The following PTPRS variants were observed in gnomAD, a reference collection of about 807,000 sequenced individuals.
PTPRS encodes receptor-type tyrosine-protein phosphatase S.
Under a neutral mutation model 215.3 loss-of-function variants are expected in PTPRS, and 63 were observed. The ratio of observed to expected loss-of-function variants is 0.29; its 90% CI spans 0.24 to 0.36. The LOEUF (loss-of-function observed/expected upper bound fraction) is 0.36. PTPRS is among the 10% of genes least tolerant of loss of function. The pLI is 1.00. For synonymous variants in PTPRS, 1,404 were observed against 1,191.4 expected (o/e 1.18, Z -3.68); for missense variants, 2,258 against 2,825.8 (o/e 0.80, Z 4.56).
intron 1 of PTPRS, among the ~76,000 whole-genome samples, chr19:5,312,765 C>G (rs752122879): frequency 7.2e-5 from 11 of 152,248 alleles, no homozygotes; most frequent in Non-Finnish European, 1.5e-4. Context: ...GTCTTTTACA[C>G]ATAATATCTC....
intron 1 of PTPRS, among the ~76,000 whole-genome samples, chr19:5,302,815 T>C (rs866161180): frequency 3.4e-5 from 5 of 148,958 alleles, no homozygotes; most frequent in African/African-American, 1.2e-4. Context: ...CCCAGCACTT[T>C]GGGAGGTTGA....
chr19:5,250,678 G>C (rs1424374924), intron 9 of PTPRS, among the ~76,000 whole-genome samples: 1 of 145,694 alleles, frequency 6.9e-6, no homozygotes, highest in Non-Finnish European at 1.5e-5. Context: ...GGGGTGGCAG[G>C]TTGTGGGGGG....
Position 5,223,136 on chromosome 19 carries a change from A to G in PTPRS, c.2656T>C (p.Ser886Pro). 1 of 1,570,824 alleles carries G rather than the reference A, an allele frequency of 6.4e-7. No homozygotes were observed. The highest frequency in any genetic ancestry group is 8.6e-7 in the Non-Finnish European group (1 of 1,158,372). The change falls in exon 18 of 38, where the codon TCC becomes CCC. Residue 886 changes from serine to proline, a missense_variant. By Grantham distance (74) the Ser-to-Pro change is moderately conservative (BLOSUM62 -1). This residue lies in a region of PTPRS where 361 missense variants were observed against 332.6 expected (regional missense o/e 1.09). Transcript: ENST00000262963. ...CCTGATGCCGTGTAGCGGTCCTCGG[A>G]GGGCGGGAACTCCAGGGTGGCCAGG... is the stretch of plus-strand genomic sequence containing the variant. ...TPLATLEFPP[S>P]EDRYTASGVH...
At chr19:5,274,142 G>T (rs2047157936) in intron 3 of PTPRS, 57 bp downstream of exon 3, 6 of 1,570,464 alleles carry the variant, frequency 3.8e-6, no homozygotes, top group Non-Finnish European at 5.2e-6. Context: ...CTGAGGTGCT[G>T]TGGCCCTGCC....
intron 1 of PTPRS, among the ~76,000 whole-genome samples, chr19:5,303,264 C>T (rs4807718): frequency 0.73 from 110,562 of 151,856 alleles, 40,877 homozygotes; most frequent in African/African-American, 0.84. Context: ...TTTTGTGGGT[C>T]TGAAGTCTGT....
intron 2 of PTPRS, among the ~76,000 whole-genome samples, chr19:5,283,509 G>C (rs1005314592): frequency 2.0e-5 from 3 of 152,004 alleles, no homozygotes; most frequent in Non-Finnish European, 4.4e-5. Flanking sequence ...CCTGGGAGGT[G>C]GAGGTTGCAG....
At position 5,252,873 on chromosome 19, in the gene PTPRS, C is replaced by CAA. The variant is rs769636796; in HGVS notation, c.718+3233_718+3234dup. Among the ~76,000 whole-genome samples the CAA allele has an allele frequency of 7.4e-3, 324 of 43,962 alleles. 1 individual carries two copies. The highest frequency in any genetic ancestry group is 0.013 in the African/African-American group (157 of 11,774). The allele number at this position is 43,962 out of a possible 152,430, so 28.8% of individuals were successfully genotyped here. A position where few individuals can be genotyped will look rare whatever the true frequency, so the allele number is the denominator to read the frequency against. Reference sequence around the variant, plus strand: ...GAGTGACAAGAGTGAAACTCCATCTCAAAAAAAAAAAAAAAAAAAAAAAGT... The same window carrying CAA: ...GAGTGACAAGAGTGAAACTCCATCTCAAAAAAAAAAAAAAAAAAAAAAAAAGT... On this transcript the variant is annotated intron_variant, in intron 9 of 37. Transcript: ENST00000262963.
chr19:5,276,276 G>A (rs574901698), intron 2 of PTPRS, among the ~76,000 whole-genome samples: 7 of 152,302 alleles, frequency 4.6e-5, no homozygotes, highest in Admixed American at 2.0e-4. Flanking sequence ...AGGCCAGAGT[G>A]CAGTGGTGCC....
intron 4 of PTPRS, among the ~76,000 whole-genome samples, chr19:5,267,654 CAA>C (rs5826877): frequency 4.6e-4 from 57 of 122,696 alleles, no homozygotes; most frequent in Admixed American, 8.5e-4. Context: ...AAGACTGTCT[CAA>C]AAAAAAAAAA....
At chr19:5,301,634 T>A (rs966028669) in intron 1 of PTPRS, among the ~76,000 whole-genome samples, 1 of 151,926 alleles carries the variant, frequency 6.6e-6, no homozygotes, top group Non-Finnish European at 1.5e-5. Context: ...ATTTAATGGA[T>A]CTGGCCACAT....
At chr19:5,278,320 G>A (rs533552842) in intron 2 of PTPRS, among the ~76,000 whole-genome samples, 1 of 151,984 alleles carries the variant, frequency 6.6e-6, no homozygotes, top group Admixed American at 6.6e-5. Context: ...CCAGGCTCAA[G>A]CGATCCTCCC....
chr19:5,208,114 C>G, intron 36 of PTPRS, 57 bp from the exon 37 acceptor site: 2 of 1,589,072 alleles, frequency 1.3e-6, no homozygotes, highest in Non-Finnish European at 1.7e-6. Context: ...GAGCCCTGAT[C>G]TGACCACCCG....
chr19:5,312,114 C>T (rs963407465), intron 1 of PTPRS, among the ~76,000 whole-genome samples: 1 of 151,424 alleles, frequency 6.6e-6, no homozygotes, highest in African/African-American at 2.4e-5. Flanking sequence ...TGTGTGTGAA[C>T]GAGCCCTGCA....
At chr19:5,307,909 G>A (rs1024498381) in intron 1 of PTPRS, among the ~76,000 whole-genome samples, 1 of 152,192 alleles carries the variant, frequency 6.6e-6, no homozygotes, top group African/African-American at 2.4e-5. Context: ...TTTGTCTATG[G>A]CTGCTTTCAC....
At chr19:5,227,193 T>C (rs956380247) in intron 16 of PTPRS, among the ~76,000 whole-genome samples, 1 of 151,990 alleles carries the variant, frequency 6.6e-6, no homozygotes, top group East Asian at 1.9e-4. Context: ...AATACAGACG[T>C]GCACCACCAC....
intron 26 of PTPRS, 81 bp downstream of exon 26, chr19:5,216,621 GGGCGTGTGGACAGAGACA>G: frequency 9.7e-7 from 1 of 1,026,448 alleles, no homozygotes; most frequent in South Asian, 1.5e-5. Flanking sequence ...GGTGATGGGT[GGGCGTGTGGACAGAGACA>G]GGAGACACGA....
chr19:5,240,775 C>A (rs911475155), intron 11 of PTPRS, among the ~76,000 whole-genome samples: 6 of 150,936 alleles, frequency 4.0e-5, no homozygotes, highest in African/African-American at 1.5e-4. Flanking sequence ...GGAGGCGGAG[C>A]TTGCAGTCAG....
chr19:5,254,225 TAAG>T (rs2045376924), intron 9 of PTPRS, among the ~76,000 whole-genome samples: 1 of 152,212 alleles, frequency 6.6e-6, no homozygotes, highest in East Asian at 1.9e-4. Context: ...GCTGGGTTAA[TAAG>T]CAAATCTTAC....
intron 1 of PTPRS, among the ~76,000 whole-genome samples, chr19:5,313,757 C>CCGTT (rs2147169739): frequency 6.6e-6 from 1 of 152,212 alleles, no homozygotes; most frequent in Admixed American, 6.5e-5. Context: ...AACCAACCCA[C>CCGTT]CGTTCAATCC....
Sources: gnomAD v4.1 joint callset for allele counts (sites outside exome capture counted in the v4.1 genomes callset) on GRCh38, gnomAD v4.1.1 for gene constraint, gnomAD v4.1.1 regional missense constraint, MANE v1.5 for transcripts, NCBI Gene and HGNC (gene_info 2026-07-23, HGNC 2026-07-21) for gene names.